CEP170B: variants seen among roughly 807,000 people sequenced by gnomAD.
CEP170B encodes the protein centrosomal protein 170B, also known as centrosomal protein of 170 kDa protein B.
In CEP170B, 55 loss-of-function variants were observed where a neutral mutation model predicts 120.6. That is an observed-to-expected ratio of 0.46 (90% CI 0.37 to 0.57). The LOEUF (loss-of-function observed/expected upper bound fraction) is 0.57, where lower values mean the gene tolerates loss of function less well. Ranked by LOEUF, CEP170B falls within the 20% of genes least tolerant of loss-of-function variation. The probability of loss-of-function intolerance (pLI) is 0.00; values close to 1 mark genes in which losing one functional copy is unlikely to be tolerated. For synonymous variants in CEP170B, 1,033 were observed against 954.5 expected, an observed-to-expected ratio of 1.08 and a Z score of -1.52; for missense variants, 2,212 against 2,253.3, an observed-to-expected ratio of 0.98 and a Z score of 0.37.
At chr14:104,876,393 A>G (rs1224455601) in intron 3 of CEP170B, 48 bp downstream of exon 3, 4 of 1,522,460 alleles carry the variant, frequency 2.6e-6, no homozygotes, top group Non-Finnish European at 3.6e-6. Flanking sequence ...TCGACCCTTC[A>G]GCCCTGGCCC....
chr14:104,879,162 A>C (rs1013578056), intron 5 of CEP170B, among the ~76,000 whole-genome samples: 8 of 152,230 alleles, frequency 5.3e-5, no homozygotes, highest in Non-Finnish European at 1.2e-4. Flanking sequence ...AGGGATTAAG[A>C]GTCTCTAGAC....
chr14:104,886,150 C>T lies in CEP170B; in HGVS notation c.2035+20C>T, dbSNP rs1329436455. 24 of 1,514,596 alleles carry T rather than the reference C, an allele frequency of 1.6e-5. No individual in the cohort carries two copies. The highest frequency in any genetic ancestry group is 3.7e-5 in the South Asian group (3 of 81,524). The allele number at this position is 1,514,596 out of a possible 1,614,324, so 93.8% of individuals were successfully genotyped here. On this transcript the variant is annotated intron_variant, in intron 11 of 18. Transcript: ENST00000414716. ...TCACAGGTAAGTGGCTCCAGTGCTGCGGGGGAGTCGGGCCAGGCCGGGGCG... is the reference window on the plus strand; with the variant it reads ...TCACAGGTAAGTGGCTCCAGTGCTGTGGGGGAGTCGGGCCAGGCCGGGGCG...
At chr14:104,892,262 C>T (rs1481883349) in intron 13 of CEP170B, among the ~76,000 whole-genome samples, 1 of 152,146 alleles carries the variant, frequency 6.6e-6, no homozygotes, top group Non-Finnish European at 1.5e-5. Context: ...GGGCTGGGAG[C>T]TGCTCACGGG....
chr14:104,873,960 C>T (rs1350547091), intron 2 of CEP170B, among the ~76,000 whole-genome samples: 1 of 152,162 alleles, frequency 6.6e-6, no homozygotes, highest in African/African-American at 2.4e-5. Flanking sequence ...GCCCTGTGCA[C>T]AGGACAGGGT....
In CEP170B at chr14:104,885,493, A is replaced by G. The variant is rs1896429196; in HGVS notation, c.1895A>G (p.Gln632Arg). 1 of 1,566,804 alleles carries G rather than the reference A, an allele frequency of 6.4e-7. No homozygotes were observed. Among genetic ancestry groups the G allele is most frequent in the East Asian group, 2.4e-5 (1 of 42,350 alleles). Reference protein sequence around the residue: ...GGVAQRMALLQEFASRPLGAA... With the variant: ...GGVAQRMALLREFASRPLGAA... Reference sequence around the variant, plus strand: ...GTGGCCCAGCGGATGGCGCTACTGCAGGAGTTTGCCTCCCGGCCACTGGGT... The same window carrying G: ...GTGGCCCAGCGGATGGCGCTACTGCGGGAGTTTGCCTCCCGGCCACTGGGT... Residue 632 changes from glutamine to arginine, a missense_variant, in exon 10 of 19, where the codon CAG (glutamine) becomes CGG (arginine). Around this residue, in one of 2 missense-constraint regions of CEP170B, gnomAD observed 2,166 missense variants for 2,166.7 expected, o/e 1.00. Coordinates refer to ENST00000414716, the MANE Select transcript of CEP170B (RefSeq NM_001112726.3).
intron 2 of CEP170B, among the ~76,000 whole-genome samples, chr14:104,872,186 C>CCGTGGGTGTGCCATGGGTGTGCG (rs1555390531): frequency 9.4e-6 from 1 of 105,948 alleles, no homozygotes; most frequent in Non-Finnish European, 1.9e-5. Context: ...CGTGTGTGTG[C>CCGTGGGTGTGCCATGGGTGTGCG]TGTGTGTGTG....
At position 104,887,244 on chromosome 14, in the gene CEP170B, G is replaced by A; in HGVS notation, c.3005G>A (p.Ser1002Asn). The part of the protein sequence containing the change: ...AQDPGGTALV[S>N]AREQSSERQH... The stretch of plus-strand genomic sequence containing the variant: ...GACCCGGGAGGCACCGCCCTGGTCA[G>A]TGCCCGTGAGCAGTCCTCAGAGAGG... Residue 1002 changes from serine to asparagine, a missense_variant, in exon 12 of 19, where the codon AGT (serine) becomes AAT (asparagine). This residue lies in a region of CEP170B where 2,166 missense variants were observed against 2,166.7 expected (regional missense o/e 1.00). Coordinates refer to ENST00000414716, the MANE Select transcript of CEP170B (RefSeq NM_001112726.3). 1.9e-6 allele frequency: 3 copies of A among 1,606,862 alleles called. No homozygotes were observed. The highest frequency in any genetic ancestry group is 1.1e-5 in the South Asian group (1 of 90,940).
chr14:104,877,399 C>T (rs1387025165), intron 3 of CEP170B, among the ~76,000 whole-genome samples: 1 of 152,170 alleles, frequency 6.6e-6, no homozygotes, highest in Non-Finnish European at 1.5e-5. Flanking sequence ...CTCCCACCTG[C>T]CTGTGGGACT....
Position 104,883,267 on chromosome 14 carries a change from C to T in CEP170B, c.810C>T (p.Thr270=), listed in dbSNP as rs1373019750. The T allele has an allele frequency of 1.9e-6, 3 of 1,611,770 alleles. No homozygotes were observed. The highest frequency in any genetic ancestry group is 2.5e-6 in the Non-Finnish European group (3 of 1,179,640). The change falls in exon 8 of 19, where the codon ACC becomes ACT. Residue 270 remains threonine (T), a synonymous_variant. Coordinates refer to ENST00000414716, the MANE Select transcript of CEP170B (RefSeq NM_001112726.3). ...APVVQSHASF[T]IEFDDCSPGK... The stretch of plus-strand genomic sequence containing the variant: ...TGGTGCAGAGCCACGCCTCCTTCAC[C>T]ATCGAGTTTGATGACTGCAGCCCTG...
chr14:104,895,978 T>G lies in CEP170B; in HGVS notation c.*1020T>G, dbSNP rs900128012. 2.0e-5 allele frequency: 3 copies of G among 153,832 alleles called. No homozygotes were observed. In the East Asian group the frequency reaches 5.8e-4, roughly 30 times the overall value. 9.5% of individuals were successfully genotyped at this position (153,832 alleles called of 1,614,324 possible). On this transcript the variant is annotated 3_prime_UTR_variant, in exon 19 of 19. Coordinates refer to ENST00000414716, the MANE Select transcript of CEP170B (RefSeq NM_001112726.3). ...GTTGTTTTCTCAGGATTCTTTCAGC[T>G]GGGAACATGGCAGGTGAGCAGAGCT...
rs1045510950 is a variant in CEP170B, at chr14:104,882,594, G to T, written c.473-134G>T. 2.2e-5 allele frequency: 14 copies of T among 638,596 alleles called. No individual in the cohort carries two copies. In the Middle Eastern group the frequency reaches 9.8e-4, roughly 45 times the overall value. The allele number at this position is 638,596 out of a possible 1,614,324, so 39.6% of individuals were successfully genotyped here. A position where few individuals can be genotyped will look rare whatever the true frequency, so the allele number is the denominator to read the frequency against. ...ATTCCCCACAGAGGCGGGGCCCTGG[G>T]CTGCCACAGGGCCAAGCTGGGAGGT... On this transcript the variant is annotated intron_variant, in intron 6 of 18. Transcript: ENST00000414716.
In CEP170B at chr14:104,883,071, T is replaced by C; in HGVS notation, c.614T>C (p.Leu205Pro). The change falls in exon 8 of 19, where the codon CTC (leucine) becomes CCC (proline). Residue 205 changes from leucine (L) to proline (P), a missense_variant. Leu to Pro is a moderately conservative substitution (Grantham distance 98). Transcript: ENST00000414716. The part of the protein sequence containing the change: ...PKGPVQQDGE[L>P]HGFRAPAEPQ... ...GGACCAGTGCAGCAGGACGGGGAGC[T>C]CCACGGCTTCCGCGCCCCTGCTGAG... 1 of 1,555,224 alleles carries C rather than the reference T, an allele frequency of 6.4e-7. No individual in the cohort carries two copies. The highest frequency in any genetic ancestry group is 1.7e-4 in the Middle Eastern group (1 of 5,978).
chr14:104,885,637 G>T, intron 10 of CEP170B, 95 bp downstream of exon 10: 1 of 1,453,920 alleles, frequency 6.9e-7, no homozygotes, highest in Non-Finnish European at 9.1e-7. Context: ...CATGGGGCGA[G>T]ACTGGACTTT....
At chr14:104,893,275 G>A in intron 14 of CEP170B, 140 bp downstream of exon 14, 1 of 1,166,222 alleles carries the variant, frequency 8.6e-7, no homozygotes. Context: ...TGTCCCCCTG[G>A]GTCAGCGCCC....
chr14:104,876,802 C>A (rs1185558891), intron 3 of CEP170B, among the ~76,000 whole-genome samples: 2 of 152,224 alleles, frequency 1.3e-5, no homozygotes, highest in Non-Finnish European at 2.9e-5. Context: ...CTTGGGTACC[C>A]AGTCTGGGTA....
rs1012040636 is a variant in CEP170B, at chr14:104,886,263, T to C, written c.2036-12T>C. Reference sequence around the variant, plus strand: ...CAGCGGCCCTCTAACCGGCTGCCTTTGTGCTCCACAGAGGATGGCCTGGGA... The same window carrying C: ...CAGCGGCCCTCTAACCGGCTGCCTTCGTGCTCCACAGAGGATGGCCTGGGA... On this transcript the variant is annotated splice_polypyrimidine_tract_variant and intron_variant, in intron 11 of 18. Transcript: ENST00000414716. The C allele has an allele frequency of 1.3e-6, 2 of 1,511,122 alleles. No individual in the cohort carries two copies. The highest frequency in any genetic ancestry group is 8.8e-7 in the Non-Finnish European group (1 of 1,134,522). The allele number at this position is 1,511,122 out of a possible 1,614,324, so 93.6% of individuals were successfully genotyped here.
Position 104,894,339 on chromosome 14 carries a change from C to T in CEP170B, c.4326C>T (p.Asn1442=), listed in dbSNP as rs376333858. The change falls in exon 17 of 19, where the codon AAC becomes AAT. Residue 1442 remains asparagine (N), a synonymous_variant. Coordinates refer to ENST00000414716, the MANE Select transcript of CEP170B (RefSeq NM_001112726.3). ...RAWEDLEARI[N]AENEVPILKT... is the part of the protein sequence containing the mutation. ...GGGAGGACCTGGAAGCCAGGATCAA[C>T]GCCGAGAACGAGGTGCCCATCCTGA... 62 of 1,613,656 alleles carry T rather than the reference C, an allele frequency of 3.8e-5. No individual in the cohort carries two copies. In the East Asian group the frequency reaches 6.2e-4, roughly 16 times the overall value.
chr14:104,888,343 T>TG (rs1013210639), intron 12 of CEP170B, among the ~76,000 whole-genome samples: 1 of 152,196 alleles, frequency 6.6e-6, no homozygotes, highest in African/African-American at 2.4e-5. Flanking sequence ...CATCTGCCCA[T>TG]GGGCCTGAGG....
In CEP170B at chr14:104,870,352, C is replaced by T. The variant is rs1205552733; in HGVS notation, c.105+1797C>T. Among the ~76,000 whole-genome samples, 2 of 152,216 alleles carry T rather than the reference C, an allele frequency of 1.3e-5. No homozygotes were observed. Among genetic ancestry groups the T allele is most frequent in the Non-Finnish European group, 2.9e-5 (2 of 68,042 alleles). ...TAAAGATCATTCTTAGTTCTCAAGC[C>T]ATCTAAAGACAGGCGGCAGGCCATA... On this transcript the variant is annotated intron_variant, in intron 2 of 18. Transcript: ENST00000414716. The surrounding 1 kb of genome is among the most constrained non-coding windows in gnomAD (Gnocchi z 4.1).
Sources: allele counts gnomAD v4.1 joint callset (sites outside exome capture counted in the v4.1 genomes callset), GRCh38; gene constraint gnomAD v4.1.1; regional missense constraint gnomAD v4.1.1; non-coding constraint Gnocchi (gnomAD v3.1); transcripts MANE v1.5; gene names NCBI Gene and HGNC (gene_info 2026-07-23, HGNC 2026-07-21).